Variants in MEGF10 observed in about 807,000 individuals in gnomAD.
The protein encoded by MEGF10 is multiple EGF like domains 10.
In MEGF10, 86 loss-of-function variants were observed where a neutral mutation model predicts 147.5. The observed-to-expected ratio is 0.58, with a 90% CI of 0.49 to 0.70. The LOEUF is 0.70. Ranked by LOEUF, MEGF10 falls within the 30% of genes least tolerant of loss-of-function variation. The pLI is 0.00. For missense variants in MEGF10, 1,329 were observed against 1,487.3 expected, an observed-to-expected ratio of 0.89 and a Z score of 1.75; for synonymous variants, 478 against 525.5, an observed-to-expected ratio of 0.91 and a Z score of 1.24.
chr5:127,319,083 C>G (rs982212959), intron 1 of MEGF10, among the ~76,000 whole-genome samples: 5 of 130,786 alleles, frequency 3.8e-5, no homozygotes, highest in African/African-American at 1.4e-4. Context: ...CTTCCTTTCT[C>G]TCTTCCTTTC....
intron 5 of MEGF10, among the ~76,000 whole-genome samples, chr5:127,376,803 G>C (rs1430290068): frequency 6.6e-6 from 1 of 152,232 alleles, no homozygotes; most frequent in Admixed American, 6.5e-5. Context: ...AAACGGAGGT[G>C]CAGAACATTT....
chr5:127,395,900 C>G (rs1459985265), intron 5 of MEGF10, among the ~76,000 whole-genome samples: 1 of 152,118 alleles, frequency 6.6e-6, no homozygotes, highest in African/African-American at 2.4e-5. Flanking sequence ...CTGGCCCAGA[C>G]CTGTAGCAGG....
chr5:127,324,306 A>C (rs1005747815), intron 1 of MEGF10, among the ~76,000 whole-genome samples: 2 of 152,196 alleles, frequency 1.3e-5, no homozygotes, highest in Non-Finnish European at 1.5e-5. Flanking sequence ...TGGAAAAATA[A>C]ATATGATTTT....
At chr5:127,440,012 A>C (rs1481517947) in intron 17 of MEGF10, among the ~76,000 whole-genome samples, 1 of 152,204 alleles carries the variant, frequency 6.6e-6, no homozygotes, top group Non-Finnish European at 1.5e-5. Context: ...ATTTGGAAAC[A>C]ATCATTGAAT....
At chr5:127,407,570 A>G (rs1009026251) in intron 8 of MEGF10, among the ~76,000 whole-genome samples, 21 of 152,210 alleles carry the variant, frequency 1.4e-4, no homozygotes, top group African/African-American at 4.3e-4. Flanking sequence ...CCAAATTTCC[A>G]TATGTCTACT....
Position 127,296,363 on chromosome 5 carries a change from T to G in MEGF10, c.-19+5307T>G, listed in dbSNP as rs150961227. Among the ~76,000 whole-genome samples, 503 of 152,334 alleles carry G rather than the reference T, an allele frequency of 3.3e-3. 1 individual carries two copies. Among genetic ancestry groups the G allele is most frequent in the African/African-American group, 0.012 (485 of 41,582 alleles). On this transcript the variant is annotated intron_variant, in intron 1 of 24. Coordinates refer to ENST00000503335, the MANE Select transcript of MEGF10 (RefSeq NM_001256545.2). ...TTATTTCATTTCTAGTGATTTATACTCCTAGATAAAGAAACTATGTAAAGC... is the reference window on the plus strand; with the variant it reads ...TTATTTCATTTCTAGTGATTTATACGCCTAGATAAAGAAACTATGTAAAGC...
the MEGF10 span, among the ~76,000 whole-genome samples, chr5:127,243,002 T>G: frequency 6.6e-6 from 1 of 152,202 alleles, no homozygotes; most frequent in Non-Finnish European, 1.5e-5. Context: ...ATAAAAATTT[T>G]TATCTGTCCC....
At chr5:127,314,893 A>G (rs1760457666) in intron 1 of MEGF10, among the ~76,000 whole-genome samples, 1 of 152,204 alleles carries the variant, frequency 6.6e-6, no homozygotes, top group Admixed American at 6.5e-5. Flanking sequence ...AACTGTATTT[A>G]TAAGAAGGAA....
intron 5 of MEGF10, among the ~76,000 whole-genome samples, chr5:127,391,098 GCGCGCACACACA>G (rs1330261838): frequency 3.4e-5 from 1 of 29,736 alleles, no homozygotes; most frequent in African/African-American, 7.0e-5. Context: ...GCGCGCGCGC[GCGCGCACACACA>G]CACACACACA....
At chr5:127,435,072 A>G (rs1220699034) in intron 15 of MEGF10, among the ~76,000 whole-genome samples, 1 of 152,182 alleles carries the variant, frequency 6.6e-6, no homozygotes, top group East Asian at 1.9e-4. Context: ...ATGTCCTCCC[A>G]TAAAAAATCA....
chr5:127,414,380 C>T (rs1278446148), intron 9 of MEGF10, among the ~76,000 whole-genome samples: 2 of 151,924 alleles, frequency 1.3e-5, no homozygotes, highest in African/African-American at 4.8e-5. Flanking sequence ...TCTAGGATGG[C>T]TGTGAGGATT....
At chr5:127,284,324 G>T in the MEGF10 span, among the ~76,000 whole-genome samples, 1 of 152,156 alleles carries the variant, frequency 6.6e-6, no homozygotes, top group South Asian at 2.1e-4. Context: ...GCCTGCATTT[G>T]TGTTGTGGGG....
chr5:127,241,464 T>G, the MEGF10 span, among the ~76,000 whole-genome samples: 1 of 152,182 alleles, frequency 6.6e-6, no homozygotes, highest in East Asian at 1.9e-4. Context: ...ACAGATGGGG[T>G]GAAAGGCTCC....
intron 3 of MEGF10, among the ~76,000 whole-genome samples, chr5:127,339,842 C>T (rs573949261): frequency 6.6e-6 from 1 of 152,278 alleles, no homozygotes; most frequent in African/African-American, 2.4e-5. Context: ...GCCTTGGCCA[C>T]TCTGTGTAAA....
intron 21 of MEGF10, 44 bp downstream of exon 21, chr5:127,447,728 G>C (rs769801276): frequency 5.6e-6 from 9 of 1,611,890 alleles, no homozygotes; most frequent in South Asian, 4.4e-5. Flanking sequence ...GCTGGGGAGA[G>C]AGGAAGGGAA....
At chr5:127,323,571 A>G (rs1004825389) in intron 1 of MEGF10, among the ~76,000 whole-genome samples, 2 of 152,248 alleles carry the variant, frequency 1.3e-5, no homozygotes, top group Non-Finnish European at 2.9e-5. Flanking sequence ...AATGATGGGC[A>G]TTATTAGGAG....
intron 13 of MEGF10, among the ~76,000 whole-genome samples, chr5:127,433,121 A>C (rs1331300705): frequency 6.6e-6 from 1 of 152,252 alleles, no homozygotes; most frequent in Admixed American, 6.5e-5. Flanking sequence ...CTCCTGAAGA[A>C]GAAAAATCAA....
At chr5:127,428,839 A>C (rs1291616819) in intron 13 of MEGF10, among the ~76,000 whole-genome samples, 1 of 152,258 alleles carries the variant, frequency 6.6e-6, no homozygotes, top group African/African-American at 2.4e-5. Flanking sequence ...TACTGCATTC[A>C]TGCAATCACA....
At chr5:127,347,828 T>C (rs1434064421) in intron 4 of MEGF10, among the ~76,000 whole-genome samples, 1 of 152,102 alleles carries the variant, frequency 6.6e-6, no homozygotes, top group Non-Finnish European at 1.5e-5. Flanking sequence ...GCATGTGTAA[T>C]GTCCCTGGGA....
Sources: gnomAD v4.1 joint callset for allele counts (sites outside exome capture counted in the v4.1 genomes callset) on GRCh38, gnomAD v4.1.1 for gene constraint, MANE v1.5 for transcripts, NCBI Gene and HGNC (gene_info 2026-07-23, HGNC 2026-07-21) for gene names.